INPP4B: variants seen among roughly 807,000 people sequenced by gnomAD.
INPP4B encodes inositol polyphosphate 4-phosphatase type II.
INPP4B carries 55 observed loss-of-function variants against 122.5 expected under a neutral mutation model. The ratio of observed to expected loss-of-function variants is 0.45; its 90% confidence interval spans 0.36 to 0.56. The LOEUF (loss-of-function observed/expected upper bound fraction) is 0.56. Ranked by LOEUF, INPP4B falls within the 20% of genes least tolerant of loss-of-function variation. The probability of loss-of-function intolerance (pLI) is 0.00; values close to 1 mark genes in which losing one functional copy is unlikely to be tolerated. For missense variants in INPP4B, 1,000 were observed against 1,097.7 expected, an observed-to-expected ratio of 0.91 and a Z score of 1.26; for synonymous variants, 403 against 388.7, an observed-to-expected ratio of 1.04 and a Z score of -0.43.
chr4:142,116,851 CA>C (rs564288028), intron 21 of INPP4B, among the ~76,000 whole-genome samples: 3 of 151,466 alleles, frequency 2.0e-5, no homozygotes, highest in Non-Finnish European at 2.9e-5. Flanking sequence ...AAAAACCGTT[CA>C]AAAAAAGCAA....
chr4:142,217,272 G>C (rs1847677554), intron 12 of INPP4B, among the ~76,000 whole-genome samples: 1 of 152,156 alleles, frequency 6.6e-6, no homozygotes, highest in African/African-American at 2.4e-5. Flanking sequence ...TTCAAGGAGG[G>C]ATTTCCAACA....
At chr4:142,654,651 G>T (rs1273640642) in intron 2 of INPP4B, 1 of 152,168 alleles carries the variant, frequency 6.6e-6, no homozygotes, top group East Asian at 1.9e-4. Context: ...AAAGCTGGAA[G>T]TCACTCCTTC....
At chr4:142,379,306 A>G (rs1187706509) in intron 7 of INPP4B, among the ~76,000 whole-genome samples, 2 of 152,140 alleles carry the variant, frequency 1.3e-5, no homozygotes, top group African/African-American at 4.8e-5. Context: ...AGCAGCTGCA[A>G]CCTCAGCATT....
chr4:142,761,635 CATT>C (rs1449294576), intron 1 of INPP4B, among the ~76,000 whole-genome samples: 2 of 152,116 alleles, frequency 1.3e-5, no homozygotes, highest in Non-Finnish European at 2.9e-5. Context: ...AATTGAAAGT[CATT>C]GTCAAGTTGA....
intron 1 of INPP4B, among the ~76,000 whole-genome samples, chr4:142,781,858 A>C (rs1774876907): frequency 6.6e-6 from 1 of 151,850 alleles, no homozygotes; most frequent in African/African-American, 2.4e-5. Flanking sequence ...ATAAGAATCT[A>C]ATTACTGCCC....
chr4:142,071,656 C>T (rs1223202107), intron 25 of INPP4B, among the ~76,000 whole-genome samples: 10 of 152,010 alleles, frequency 6.6e-5, no homozygotes, highest in Non-Finnish European at 1.3e-4. Flanking sequence ...ATCAAACAAC[C>T]CCATCAAAAA....
At chr4:142,235,182 A>G (rs1856149925) in intron 12 of INPP4B, among the ~76,000 whole-genome samples, 1 of 152,074 alleles carries the variant, frequency 6.6e-6, no homozygotes, top group Admixed American at 6.6e-5. Context: ...TCATCCTTTA[A>G]GAGGTTTCTA....
chr4:142,640,657 C>G (rs1266939886), intron 2 of INPP4B, among the ~76,000 whole-genome samples: 1 of 151,604 alleles, frequency 6.6e-6, no homozygotes, highest in Non-Finnish European at 1.5e-5. Flanking sequence ...CACATTAAGA[C>G]AGTAAAGAGG....
rs751678543 is a variant in INPP4B at position 142,753,919 on chromosome 4, T to C, written c.-253-28018A>G. 2.6e-5 allele frequency among the ~76,000 whole-genome samples: 4 copies of C among 152,076 alleles called. No homozygotes were observed. In the South Asian group the frequency reaches 6.2e-4, roughly 24 times the overall value. The stretch of plus-strand genomic sequence containing the variant: ...TACCACTTTCCTGAAATCTCAAGTA[T>C]AATTCTCCTTCTACTTTCTTTCATT... On this transcript the variant is annotated intron_variant, in intron 1 of 25. Coordinates refer to ENST00000262992, the MANE Select transcript of INPP4B (RefSeq NM_001101669.3).
Position 142,735,958 on chromosome 4 carries a change from C to CACAT in INPP4B, c.-253-10058_-253-10057insATGT, listed in dbSNP as rs1249748177. 5.3e-5 allele frequency among the ~76,000 whole-genome samples: 8 copies of CACAT among 151,544 alleles called. No homozygotes were observed. The South Asian group carries it at 1.7e-3, about 32-fold the overall frequency. On this transcript the variant is annotated intron_variant, in intron 1 of 25. Coordinates refer to ENST00000262992, the MANE Select transcript of INPP4B (RefSeq NM_001101669.3). ...ACACACACACACACACACACACACACACACACACATCCACCACTATTCTCT... is the reference window on the plus strand; with the variant it reads ...ACACACACACACACACACACACACACACATACACACACATCCACCACTATTCTCT...
At chr4:142,769,074 T>C (rs575896504) in intron 1 of INPP4B, among the ~76,000 whole-genome samples, 1 of 152,306 alleles carries the variant, frequency 6.6e-6, no homozygotes, top group South Asian at 2.1e-4. Context: ...TAAGTTTTGA[T>C]GATTGGATAT....
intron 17 of INPP4B, among the ~76,000 whole-genome samples, chr4:142,153,483 T>C (rs573983976): frequency 2.6e-5 from 4 of 152,324 alleles, no homozygotes; most frequent in South Asian, 4.1e-4. Flanking sequence ...GTATGCAAGT[T>C]TGTATATTCA....
At chr4:142,823,675 A>T (rs1781072762) in intron 1 of INPP4B, among the ~76,000 whole-genome samples, 1 of 152,210 alleles carries the variant, frequency 6.6e-6, no homozygotes, top group African/African-American at 2.4e-5. Context: ...ACAAAAAAGT[A>T]TGCTGTCTTT....
chr4:142,125,304 T>G (rs1218982363), intron 18 of INPP4B, among the ~76,000 whole-genome samples: 1 of 152,058 alleles, frequency 6.6e-6, no homozygotes, highest in African/African-American at 2.4e-5. Context: ...GCCAGAAACA[T>G]TTATAATCAG....
chr4:142,355,332 T>C (rs1292140840), intron 7 of INPP4B, among the ~76,000 whole-genome samples: 2 of 151,836 alleles, frequency 1.3e-5, no homozygotes, highest in Non-Finnish European at 2.9e-5. Flanking sequence ...CAGAGAGAAA[T>C]CAGGAAGTTG....
chr4:142,122,297 C>T, intron 20 of INPP4B, 52 bp from the exon 21 acceptor site: 1 of 1,288,368 alleles, frequency 7.8e-7, no homozygotes, highest in Non-Finnish European at 1.1e-6. Flanking sequence ...AGGAAAATGT[C>T]ACTAGCTACT....
chr4:142,409,677 A>G (rs1404663364), intron 5 of INPP4B, among the ~76,000 whole-genome samples: 1 of 152,148 alleles, frequency 6.6e-6, no homozygotes, highest in Non-Finnish European at 1.5e-5. Context: ...CATTGCCTGA[A>G]AAAATGAAGG....
chr4:142,526,517 C>T (rs1826936937), intron 2 of INPP4B, among the ~76,000 whole-genome samples: 2 of 151,992 alleles, frequency 1.3e-5, no homozygotes, highest in South Asian at 4.2e-4. Context: ...ATCAGTTGAG[C>T]CGTGGCTACA....
chr4:142,544,039 G>T (rs1829242554), intron 2 of INPP4B, among the ~76,000 whole-genome samples: 1 of 151,714 alleles, frequency 6.6e-6, no homozygotes, highest in African/African-American at 2.4e-5. Flanking sequence ...GTTTTCTTTG[G>T]AGAAAGCTGA....
Sources: allele counts gnomAD v4.1 joint callset (sites outside exome capture counted in the v4.1 genomes callset), GRCh38; gene constraint gnomAD v4.1.1; transcripts MANE v1.5; gene names NCBI Gene and HGNC (gene_info 2026-07-23, HGNC 2026-07-21).